Variants in EDIL3 observed in about 807,000 individuals in gnomAD.
The protein encoded by EDIL3 is EGF like and discoidin domains 3.
EDIL3 carries 37 observed loss-of-function variants against 67.4 expected under a neutral mutation model. That is an observed-to-expected ratio of 0.55 (90% CI 0.42 to 0.72). EDIL3 has a LOEUF of 0.72. Among genes scored for constraint, EDIL3 ranks in the 30% least tolerant of loss-of-function variants. The pLI, the probability that EDIL3 is intolerant of heterozygous loss-of-function variation, is 0.00. For synonymous variants in EDIL3, 195 were observed against 196.3 expected (o/e 0.99, Z 0.05); for missense variants, 527 against 586.3 (o/e 0.90, Z 1.04).
chr5:84,223,105 G>A lies in EDIL3; in HGVS notation c.226+6750C>T, dbSNP rs112103241. Among the ~76,000 whole-genome samples, 573 of 151,666 alleles carry A rather than the reference G, an allele frequency of 3.8e-3. 4 individuals are homozygous for A. The highest frequency in any genetic ancestry group is 0.013 in the African/African-American group (543 of 41,482). ...CTTCTAGGAGTTTTATGGTTTCAGA[G>A]CTTATGTTTAAGTTTTCAATCTATT... is the stretch of plus-strand genomic sequence containing the variant. On this transcript the variant is annotated intron_variant, in intron 3 of 10. Coordinates refer to ENST00000296591, the MANE Select transcript of EDIL3 (RefSeq NM_005711.5).
At chr5:84,087,590 AT>A in intron 6 of EDIL3, among the ~76,000 whole-genome samples, 1 of 152,306 alleles carries the variant, frequency 6.6e-6, no homozygotes, top group Admixed American at 6.5e-5. Flanking sequence ...TATCTGTTTC[AT>A]TTTTTTATGA....
chr5:84,206,855 G>A (rs1036372610), intron 3 of EDIL3, among the ~76,000 whole-genome samples: 5 of 152,210 alleles, frequency 3.3e-5, no homozygotes, highest in Admixed American at 6.5e-5. Flanking sequence ...AACTCTTCAC[G>A]CTAAAAACTC....
intron 1 of EDIL3, among the ~76,000 whole-genome samples, chr5:84,344,567 G>A (rs1170868235): frequency 1.3e-5 from 2 of 151,906 alleles, no homozygotes; most frequent in Non-Finnish European, 2.9e-5. Flanking sequence ...TATTTGTGAT[G>A]ACAATTTAGC....
chr5:84,262,674 T>C (rs1487798015), intron 1 of EDIL3, among the ~76,000 whole-genome samples: 1 of 116,888 alleles, frequency 8.6e-6, no homozygotes, highest in Non-Finnish European at 1.8e-5. Flanking sequence ...TTTTTTTTTT[T>C]TTTTTTTTTT....
At chr5:84,115,108 G>A (rs1013796215) in intron 5 of EDIL3, among the ~76,000 whole-genome samples, 1 of 152,152 alleles carries the variant, frequency 6.6e-6, no homozygotes, top group Admixed American at 6.5e-5. Context: ...TCCTCTGAAT[G>A]TAGATATTAT....
chr5:83,952,708 C>CCAT (rs1337072511), intron 10 of EDIL3, among the ~76,000 whole-genome samples: 1 of 151,772 alleles, frequency 6.6e-6, no homozygotes, highest in African/African-American at 2.4e-5. Flanking sequence ...TATGTATTTT[C>CCAT]CATCTCATCA....
chr5:83,977,216 C>G (rs973100878), intron 9 of EDIL3, among the ~76,000 whole-genome samples: 8 of 151,860 alleles, frequency 5.3e-5, no homozygotes, highest in Non-Finnish European at 8.9e-5. Context: ...ATATCTACAT[C>G]CTTCAGCTTT....
At chr5:84,195,186 T>C (rs1465705150) in intron 3 of EDIL3, among the ~76,000 whole-genome samples, 1 of 151,952 alleles carries the variant, frequency 6.6e-6, no homozygotes, top group African/African-American at 2.4e-5. Flanking sequence ...TCTTTTCTTA[T>C]TACCAATACA....
At chr5:84,331,133 ATAAT>A in intron 1 of EDIL3, among the ~76,000 whole-genome samples, 1 of 152,342 alleles carries the variant, frequency 6.6e-6, no homozygotes, top group East Asian at 1.9e-4. Flanking sequence ...TATATAGGAA[ATAAT>A]TAACTTGCTT....
intron 1 of EDIL3, among the ~76,000 whole-genome samples, chr5:84,266,255 G>A (rs1745344219): frequency 6.6e-6 from 1 of 152,100 alleles, no homozygotes; most frequent in African/African-American, 2.4e-5. Context: ...CCACTTAGTG[G>A]TATTCAGTCT....
rs1541833 is a variant in EDIL3, at chr5:84,087,589, C to A, written c.651+19060G>T. ...AAACATTATGATAGCATATCTGTTT[C>A]ATTTTTTTATGAAAGGTTAGTCACT... On this transcript the variant is annotated intron_variant, in intron 6 of 10. Transcript: ENST00000296591. Among the ~76,000 whole-genome samples, 510 of 152,284 alleles carry A rather than the reference C, an allele frequency of 3.3e-3. 3 individuals are homozygous for A. Among genetic ancestry groups the A allele is most frequent in the East Asian group, 0.032 (165 of 5,182 alleles).
chr5:84,056,157 T>A (rs1221889364), intron 9 of EDIL3, among the ~76,000 whole-genome samples: 1 of 152,054 alleles, frequency 6.6e-6, no homozygotes, highest in East Asian at 1.9e-4. Flanking sequence ...AAATGATGAG[T>A]TCATGTCCTT....
At chr5:84,371,966 A>G (rs1276121431) in intron 1 of EDIL3, among the ~76,000 whole-genome samples, 1 of 152,132 alleles carries the variant, frequency 6.6e-6, no homozygotes, top group Non-Finnish European at 1.5e-5. Flanking sequence ...TTTTGATAGT[A>G]CTCATTTTAT....
intron 9 of EDIL3, among the ~76,000 whole-genome samples, chr5:83,986,285 A>G (rs1373848050): frequency 1.3e-5 from 2 of 152,194 alleles, no homozygotes; most frequent in Non-Finnish European, 2.9e-5. Flanking sequence ...ACCAAGATGT[A>G]GTTTATATTA....
At chr5:84,266,907 T>C (rs536689710) in intron 1 of EDIL3, among the ~76,000 whole-genome samples, 7 of 152,338 alleles carry the variant, frequency 4.6e-5, no homozygotes, top group South Asian at 2.1e-4. Context: ...GTGCCTTCAC[T>C]ATGTACCAAA....
intron 6 of EDIL3, among the ~76,000 whole-genome samples, chr5:84,087,035 T>G (rs1269647500): frequency 6.6e-6 from 1 of 151,870 alleles, no homozygotes; most frequent in Non-Finnish European, 1.5e-5. Context: ...CATTTGAGAG[T>G]CTCATCAACA....
At chr5:84,375,190 T>C (rs2112217409) in intron 1 of EDIL3, among the ~76,000 whole-genome samples, 1 of 152,266 alleles carries the variant, frequency 6.6e-6, no homozygotes, top group East Asian at 1.9e-4. Flanking sequence ...CAGGATGGTC[T>C]CGATCTCTTG....
chr5:83,968,238 A>G (rs537719055), intron 9 of EDIL3, among the ~76,000 whole-genome samples: 41 of 152,208 alleles, frequency 2.7e-4, no homozygotes, highest in African/African-American at 9.1e-4. Context: ...AATCTGAAAT[A>G]TTCAGCTCCT....
In EDIL3 at chr5:84,082,070, T is replaced by C. The variant is rs9687125; in HGVS notation, c.652-15464A>G. ...TATCTCCATCCAGCATGGCAAAAGG[T>C]TAGCAGGCAGATGAGAATGGATTGC... is the stretch of plus-strand genomic sequence containing the variant. On this transcript the variant is annotated intron_variant, in intron 6 of 10. Transcript: ENST00000296591. Among the ~76,000 whole-genome samples the C allele has an allele frequency of 5.4e-3, 821 of 152,352 alleles. 9 individuals are homozygous for C. Among genetic ancestry groups the C allele is most frequent in the African/African-American group, 0.018 (766 of 41,580 alleles).
Sources: gnomAD v4.1 joint callset for allele counts (sites outside exome capture counted in the v4.1 genomes callset) on GRCh38, gnomAD v4.1.1 for gene constraint, MANE v1.5 for transcripts, NCBI Gene and HGNC (gene_info 2026-07-23, HGNC 2026-07-21) for gene names.